IL19: variants seen among roughly 807,000 people sequenced by gnomAD.
IL19 encodes the protein interleukin 19.
IL19 carries 15 observed loss-of-function variants against 19.5 expected under a neutral mutation model. The observed-to-expected ratio is 0.77, with a 90% CI of 0.52 to 1.19. IL19 has a LOEUF of 1.19. IL19 is among the 50% of genes most tolerant of loss of function. The probability of loss-of-function intolerance (pLI) is 0.00; values close to 1 mark genes in which losing one functional copy is unlikely to be tolerated. For synonymous variants in IL19, 78 were observed against 78.3 expected (o/e 1.00, Z 0.02); for missense variants, 199 against 213.1 (o/e 0.93, Z 0.41).
intron 2 of IL19, among the ~76,000 whole-genome samples, chr1:206,822,810 G>A (rs1676320224): frequency 6.6e-6 from 1 of 152,198 alleles, no homozygotes; most frequent in African/African-American, 2.4e-5. Flanking sequence ...GCAGGGCCTG[G>A]CTTGTTGTAG....
chr1:206,813,417 G>A (rs1676068825), intron 2 of IL19, among the ~76,000 whole-genome samples: 1 of 151,860 alleles, frequency 6.6e-6, no homozygotes, highest in African/African-American at 2.4e-5. Flanking sequence ...CAGTTTTTCT[G>A]ACTTGCAGAA....
In IL19 at chr1:206,839,910, A is replaced by G. The variant is rs770895558; in HGVS notation, c.271A>G (p.Lys91Glu). The G allele has an allele frequency of 6.2e-7, 1 of 1,614,106 alleles. No homozygotes were observed. Among genetic ancestry groups the G allele is most frequent in the Admixed American group, 1.7e-5 (1 of 60,024 alleles). The change falls in exon 5 of 7, where the codon AAG becomes GAG. Residue 91 changes from lysine to glutamate, a missense_variant. Transcript: ENST00000659997. Reference sequence around the variant, plus strand: ...GGCGTTCTACGTGGACAGGGTGTTCAAGGATCATCAGGAGCCAAACCCCAA... The same window carrying G: ...GGCGTTCTACGTGGACAGGGTGTTCGAGGATCATCAGGAGCCAAACCCCAA... ...LLAFYVDRVFKDHQEPNPKIL... is the reference protein window; with the variant it reads ...LLAFYVDRVFEDHQEPNPKIL...
chr1:206,824,827 A>G (rs1676389580), intron 2 of IL19, among the ~76,000 whole-genome samples: 1 of 152,200 alleles, frequency 6.6e-6, no homozygotes, highest in Admixed American at 6.5e-5. Context: ...CAATGGCACG[A>G]TCTCGGCTCA....
intron 2 of IL19, among the ~76,000 whole-genome samples, chr1:206,821,084 T>C (rs1676278753): frequency 6.6e-6 from 1 of 152,246 alleles, no homozygotes; most frequent in South Asian, 2.1e-4. Context: ...ATTATCCTCT[T>C]TGTTTGCCTG....
At chr1:206,780,596 TA>T (rs2102447467) in intron 1 of IL19, among the ~76,000 whole-genome samples, 1 of 152,358 alleles carries the variant, frequency 6.6e-6, no homozygotes, top group Non-Finnish European at 1.5e-5. Flanking sequence ...GCTGGAATGT[TA>T]AAATTCTATA....
At chr1:206,797,868 C>A (rs1380132824) in intron 1 of IL19, among the ~76,000 whole-genome samples, 1 of 152,234 alleles carries the variant, frequency 6.6e-6, no homozygotes, top group African/African-American at 2.4e-5. Context: ...TGAGATGAAG[C>A]AATTTCTGAA....
In IL19 at chr1:206,771,096, G is replaced by T; in HGVS notation, c.-149+18G>T. 6.2e-7 allele frequency: 1 copy of T among 1,611,976 alleles called. No homozygotes were observed. On this transcript the variant is annotated intron_variant, in intron 1 of 6. Coordinates refer to ENST00000659997, the MANE Select transcript of IL19 (RefSeq NM_153758.5). ...AGCCAAAGGTGAGTGAGAGATTGGCGGAGGTGGCTGGGAGGAGGGGCTGCT... is the reference window on the plus strand; with the variant it reads ...AGCCAAAGGTGAGTGAGAGATTGGCTGAGGTGGCTGGGAGGAGGGGCTGCT...
intron 1 of IL19, among the ~76,000 whole-genome samples, chr1:206,779,856 C>CTT (rs386369445): frequency 0.072 from 10,492 of 145,506 alleles, 413 homozygotes; most frequent in African/African-American, 0.1. Context: ...CTCTCTCTCT[C>CTT]TTTTTTTTTT....
intron 1 of IL19, among the ~76,000 whole-genome samples, chr1:206,792,363 C>T (rs929873153): frequency 2.6e-5 from 4 of 152,154 alleles, no homozygotes; most frequent in African/African-American, 9.7e-5. Flanking sequence ...GATGGATGCT[C>T]CCTGACAGGG....
intron 4 of IL19, among the ~76,000 whole-genome samples, chr1:206,838,736 T>TTTCCC (rs528779104): frequency 0.031 from 3,632 of 116,738 alleles, 51 homozygotes; most frequent in East Asian, 0.062. Context: ...CTTCCCTTCC[T>TTTCCC]TTCCCTTCCC....
intron 1 of IL19, among the ~76,000 whole-genome samples, chr1:206,783,564 T>C (rs1021885257): frequency 1.3e-5 from 2 of 152,218 alleles, no homozygotes; most frequent in South Asian, 2.1e-4. Flanking sequence ...CTAAGGGTTG[T>C]GCACTTGAGC....
chr1:206,842,215 G>A (rs149622264), intron 6 of IL19, among the ~76,000 whole-genome samples: 4 of 152,108 alleles, frequency 2.6e-5, no homozygotes, highest in South Asian at 2.1e-4. Context: ...GAAAATCAGC[G>A]GAACTGGCCA....
Position 206,836,679 on chromosome 1 carries a change from T to G in IL19, c.17T>G (p.Val6Gly). The G allele has an allele frequency of 6.2e-7, 1 of 1,611,324 alleles. No individual in the cohort carries two copies. Among genetic ancestry groups the G allele is most frequent in the Non-Finnish European group, 8.5e-7 (1 of 1,179,010 alleles). MKLQC[V>G]SLWLLGTILI... Reference sequence around the variant, plus strand: ...TCTGCAGGCATGAAGTTACAGTGTGTTTCCCTTTGGCTCCTGGGTACAATA... The same window carrying G: ...TCTGCAGGCATGAAGTTACAGTGTGGTTCCCTTTGGCTCCTGGGTACAATA... Residue 6 changes from valine to glycine, a missense_variant, in exon 3 of 7, where the codon GTT (valine) becomes GGT (glycine). Transcript: ENST00000659997.
intron 1 of IL19, among the ~76,000 whole-genome samples, chr1:206,776,240 C>G (rs763344378): frequency 4.6e-5 from 7 of 151,998 alleles, no homozygotes; most frequent in Non-Finnish European, 1.0e-4. Context: ...CATCCAGGAC[C>G]CGTTTTTTCT....
At chr1:206,798,660 A>T (rs1675592717) in intron 1 of IL19, among the ~76,000 whole-genome samples, 1 of 151,888 alleles carries the variant, frequency 6.6e-6, no homozygotes, top group African/African-American at 2.4e-5. Flanking sequence ...CCCACAGCGC[A>T]CCGAGAAACA....
At chr1:206,823,574 C>T (rs796982046) in intron 2 of IL19, among the ~76,000 whole-genome samples, 113 of 151,492 alleles carry the variant, frequency 7.5e-4, no homozygotes, top group African/African-American at 2.3e-3. Flanking sequence ...GACACCAAGA[C>T]ACCAAGATTA....
intron 2 of IL19, 32 bp from the exon 3 acceptor site, chr1:206,836,629 G>C: frequency 1.3e-6 from 2 of 1,576,912 alleles, no homozygotes; most frequent in Non-Finnish European, 1.7e-6. Flanking sequence ...TCCACTCTTG[G>C]CTGGACAGCT....
At chr1:206,786,337 A>C (rs1448105446) in intron 1 of IL19, among the ~76,000 whole-genome samples, 2 of 152,228 alleles carry the variant, frequency 1.3e-5, no homozygotes, top group Non-Finnish European at 2.9e-5. Flanking sequence ...CACGACAGCT[A>C]TGACTGTTGA....
At chr1:206,831,020 C>CA (rs1298235414) in intron 2 of IL19, among the ~76,000 whole-genome samples, 14 of 152,214 alleles carry the variant, frequency 9.2e-5, no homozygotes, top group African/African-American at 2.9e-4. Flanking sequence ...ATGGGCCACA[C>CA]ATTGCTCAAG....
Sources: allele counts gnomAD v4.1 joint callset (sites outside exome capture counted in the v4.1 genomes callset), GRCh38; gene constraint gnomAD v4.1.1; transcripts MANE v1.5; gene names NCBI Gene and HGNC (gene_info 2026-07-23, HGNC 2026-07-21).